Variants in LIN7A observed in about 807,000 individuals in gnomAD.
LIN7A encodes the protein lin-7 cell polarity scaffold A, also known as protein lin-7 homolog A.
A neutral mutation model predicts 29.8 loss-of-function variants in LIN7A; 25 were observed. The observed-to-expected ratio is 0.84, with a 90% CI of 0.61 to 1.17. The LOEUF (loss-of-function observed/expected upper bound fraction) is 1.17. Among genes scored for constraint, LIN7A ranks in the 50% most tolerant of loss-of-function variants. The pLI is 0.00. For missense variants in LIN7A, 239 were observed against 287.0 expected (o/e 0.83, Z 1.21); for synonymous variants, 118 against 107.5 (o/e 1.10, Z -0.60).
At chr12:80,902,062 C>T (rs12320211) in intron 1 of LIN7A, among the ~76,000 whole-genome samples, 1 of 152,064 alleles carries the variant, frequency 6.6e-6, no homozygotes, top group South Asian at 2.1e-4. Context: ...CAGCTTCAAT[C>T]TTCTGTGTAT....
chr12:80,828,232 T>A (rs903219324), intron 4 of LIN7A, among the ~76,000 whole-genome samples: 3 of 152,176 alleles, frequency 2.0e-5, no homozygotes, highest in African/African-American at 7.2e-5. Context: ...TATTAGGATC[T>A]ACCTGAGAAA....
intron 5 of LIN7A, among the ~76,000 whole-genome samples, chr12:80,802,144 C>T (rs1183034288): frequency 3.9e-5 from 6 of 152,112 alleles, no homozygotes; most frequent in African/African-American, 1.2e-4. Context: ...CCACCCACTT[C>T]GGCCTCCCAA....
At chr12:80,926,906 A>C (rs12823074) in intron 1 of LIN7A, among the ~76,000 whole-genome samples, 35,573 of 134,058 alleles carry the variant, frequency 0.27, 4,699 homozygotes, top group East Asian at 0.47. Context: ...CCAGCCTGGG[A>C]GACAGTGCGA....
intron 2 of LIN7A, among the ~76,000 whole-genome samples, chr12:80,877,936 C>T (rs1874799095): frequency 1.3e-5 from 2 of 151,492 alleles, no homozygotes; most frequent in Non-Finnish European, 2.9e-5. Flanking sequence ...GTCCTGTGAT[C>T]TCAACAGAAG....
intron 4 of LIN7A, among the ~76,000 whole-genome samples, chr12:80,842,703 T>C (rs536010005): frequency 3.2e-4 from 49 of 152,240 alleles, no homozygotes; most frequent in African/African-American, 1.2e-3. Context: ...CAGTGTTTGT[T>C]AGAAGCCCAG....
chr12:80,917,488 G>C (rs1289643062), intron 1 of LIN7A, among the ~76,000 whole-genome samples: 1 of 151,778 alleles, frequency 6.6e-6, no homozygotes, highest in Non-Finnish European at 1.5e-5. Flanking sequence ...AAATGAAAAT[G>C]GTGCTATTTT....
Position 80,811,653 on chromosome 12 carries a change from C to T in LIN7A, c.514G>A (p.Val172Met). 6.2e-7 allele frequency: 1 copy of T among 1,612,520 alleles called. No individual in the cohort carries two copies. The highest frequency in any genetic ancestry group is 8.5e-7 in the Non-Finnish European group (1 of 1,178,672). ...SVEGEHHEKA[V>M]ELLKAAKDSV... ...TCTTTAGCAGCCTTGAGTAGTTCCA[C>T]AGCTTTCTCATGGTGTTCTCCTTCC... Residue 172 changes from valine to methionine, a missense_variant, in exon 5 of 6, where the codon GTG becomes ATG. Coordinates refer to ENST00000552864, the MANE Select transcript of LIN7A (RefSeq NM_004664.4).
chr12:80,891,567 A>T (rs544318326), intron 1 of LIN7A, among the ~76,000 whole-genome samples: 34 of 152,252 alleles, frequency 2.2e-4, no homozygotes, highest in African/African-American at 7.2e-4. Flanking sequence ...TGCACAGGAG[A>T]CAGTGGTGAA....
intron 1 of LIN7A, among the ~76,000 whole-genome samples, chr12:80,921,472 T>G (rs1877300090): frequency 6.7e-6 from 1 of 150,084 alleles, no homozygotes; most frequent in Admixed American, 6.6e-5. Context: ...ACGAGGGTCT[T>G]CTTCTGGTTC....
chr12:80,918,355 T>C (rs1877127191), intron 1 of LIN7A, among the ~76,000 whole-genome samples: 1 of 152,128 alleles, frequency 6.6e-6, no homozygotes, highest in Admixed American at 6.6e-5. Flanking sequence ...GCCTTATGTA[T>C]ATTCCTTGAA....
intron 2 of LIN7A, among the ~76,000 whole-genome samples, chr12:80,884,415 T>C (rs1805471602): frequency 6.6e-6 from 1 of 152,186 alleles, no homozygotes; most frequent in African/African-American, 2.4e-5. Flanking sequence ...TAAAAGGTTA[T>C]CTAGAGTCTC....
chr12:80,901,688 C>A (rs1033668263), intron 1 of LIN7A, among the ~76,000 whole-genome samples: 2 of 152,082 alleles, frequency 1.3e-5, no homozygotes, highest in Non-Finnish European at 2.9e-5. Context: ...AAAGAAACTA[C>A]AAATTTAACT....
chr12:80,857,285 T>A (rs1404366966), intron 2 of LIN7A, among the ~76,000 whole-genome samples: 1 of 152,196 alleles, frequency 6.6e-6, no homozygotes, highest in African/African-American at 2.4e-5. Flanking sequence ...CCAATCTATA[T>A]TTTATCAGAA....
intron 2 of LIN7A, among the ~76,000 whole-genome samples, chr12:80,877,820 T>C (rs930172978): frequency 2.6e-5 from 4 of 152,082 alleles, no homozygotes; most frequent in African/African-American, 7.2e-5. Flanking sequence ...TCCATTTTTG[T>C]TGGCAACATT....
intron 1 of LIN7A, among the ~76,000 whole-genome samples, chr12:80,899,372 A>T (rs998506963): frequency 6.6e-6 from 1 of 152,068 alleles, no homozygotes; most frequent in Non-Finnish European, 1.5e-5. Context: ...GTGATGCTGG[A>T]GTTAGTTTGT....
chr12:80,900,146 G>T (rs1162233445), intron 1 of LIN7A, among the ~76,000 whole-genome samples: 1 of 151,892 alleles, frequency 6.6e-6, no homozygotes, highest in Non-Finnish European at 1.5e-5. Context: ...TGTTTATTTG[G>T]ATCTTCTCTT....
At chr12:80,842,299 C>A (rs1002952976) in intron 4 of LIN7A, among the ~76,000 whole-genome samples, 4 of 151,898 alleles carry the variant, frequency 2.6e-5, no homozygotes. Flanking sequence ...ATTCCATGGA[C>A]ATTTAAACAT....
At chr12:80,813,411 CA>C (rs1353101324) in intron 4 of LIN7A, among the ~76,000 whole-genome samples, 3 of 151,930 alleles carry the variant, frequency 2.0e-5, no homozygotes, top group African/African-American at 4.8e-5. Flanking sequence ...AATAACTTAA[CA>C]AAAACTGGTG....
intron 2 of LIN7A, among the ~76,000 whole-genome samples, chr12:80,868,735 G>A (rs930499699): frequency 2.0e-5 from 3 of 152,236 alleles, no homozygotes; most frequent in Admixed American, 6.5e-5. Context: ...TACCTGCCCA[G>A]TTGCCCAGCA....
Sources: gnomAD v4.1 joint callset for allele counts (sites outside exome capture counted in the v4.1 genomes callset) on GRCh38, gnomAD v4.1.1 for gene constraint, MANE v1.5 for transcripts, NCBI Gene and HGNC (gene_info 2026-07-23, HGNC 2026-07-21) for gene names.